The following SLC24A3 variants were observed in gnomAD, a reference collection of about 807,000 sequenced individuals.
The protein encoded by SLC24A3 is solute carrier family 24 member 3.
Under a neutral mutation model 75.8 loss-of-function variants are expected in SLC24A3, and 28 were observed. That is an observed-to-expected ratio of 0.37 (90% CI 0.27 to 0.51). SLC24A3 has a LOEUF of 0.51. Ranked by LOEUF, SLC24A3 falls within the 20% of genes least tolerant of loss-of-function variation. SLC24A3 has a pLI of 0.94. For synonymous variants in SLC24A3, 372 were observed against 334.1 expected, an observed-to-expected ratio of 1.11 and a Z score of -1.24; for missense variants, 663 against 847.8, an observed-to-expected ratio of 0.78 and a Z score of 2.71.
intron 2 of SLC24A3, 146 bp downstream of exon 2, chr20:19,281,233 T>C (rs1288711938): frequency 7.5e-6 from 9 of 1,199,878 alleles, no homozygotes; most frequent in East Asian, 2.5e-5. Context: ...AACTTTCAGG[T>C]GACATCCTGA....
At chr20:19,617,255 C>G (rs999110245) in intron 6 of SLC24A3, among the ~76,000 whole-genome samples, 1 of 152,244 alleles carries the variant, frequency 6.6e-6, no homozygotes, top group South Asian at 2.1e-4. Context: ...TGGAGCCTGC[C>G]TGGTGGCCTG....
intron 15 of SLC24A3, among the ~76,000 whole-genome samples, chr20:19,710,724 C>T (rs997667983): frequency 2.6e-5 from 4 of 152,098 alleles, no homozygotes; most frequent in Non-Finnish European, 2.9e-5. Context: ...GCTTAGCATG[C>T]CTCAAGAAAG....
At chr20:19,408,521 C>G (rs1334951918) in intron 2 of SLC24A3, among the ~76,000 whole-genome samples, 1 of 152,026 alleles carries the variant, frequency 6.6e-6, no homozygotes, top group Non-Finnish European at 1.5e-5. Flanking sequence ...TCCCAAATAG[C>G]TGGGACTACT....
At chr20:19,488,413 T>C (rs550530398) in intron 2 of SLC24A3, among the ~76,000 whole-genome samples, 1 of 152,326 alleles carries the variant, frequency 6.6e-6, no homozygotes, top group Admixed American at 6.5e-5. Context: ...CAGTGCTTCA[T>C]TATAGAGCCT....
chr20:19,253,223 G>A (rs1463052691), intron 1 of SLC24A3, among the ~76,000 whole-genome samples: 1 of 152,180 alleles, frequency 6.6e-6, no homozygotes, highest in Non-Finnish European at 1.5e-5. Context: ...GATGTCCCAG[G>A]GCCCTGGCAC....
At chr20:19,471,475 T>G (rs1470522442) in intron 2 of SLC24A3, among the ~76,000 whole-genome samples, 1 of 152,218 alleles carries the variant, frequency 6.6e-6, no homozygotes, top group African/African-American at 2.4e-5. Flanking sequence ...TGTTTCTAGA[T>G]GTTGAATGCA....
At chr20:19,253,753 G>C (rs905703995) in intron 1 of SLC24A3, among the ~76,000 whole-genome samples, 2 of 152,214 alleles carry the variant, frequency 1.3e-5, no homozygotes, top group African/African-American at 4.8e-5. Flanking sequence ...GCATGGAATG[G>C]TCCTGTCCTT....
At chr20:19,634,568 A>G (rs956247743) in intron 6 of SLC24A3, among the ~76,000 whole-genome samples, 6 of 148,860 alleles carry the variant, frequency 4.0e-5, no homozygotes, top group African/African-American at 1.5e-4. Context: ...ATAGTGCTCA[A>G]CAATAAAAAA....
chr20:19,251,268 T>TC, intron 1 of SLC24A3, among the ~76,000 whole-genome samples: 1 of 152,338 alleles, frequency 6.6e-6, no homozygotes, highest in Admixed American at 6.5e-5. Context: ...TGCCCCTCCC[T>TC]CATACTGGCA....
At chr20:19,281,954 C>G (rs751831512) in intron 2 of SLC24A3, among the ~76,000 whole-genome samples, 34 of 152,160 alleles carry the variant, frequency 2.2e-4, no homozygotes, top group African/African-American at 8.2e-4. Context: ...ACTTGGACCT[C>G]GAAGCTCTCT....
chr20:19,364,827 TCA>T (rs1985858377), intron 2 of SLC24A3, among the ~76,000 whole-genome samples: 1 of 152,056 alleles, frequency 6.6e-6, no homozygotes, highest in Non-Finnish European at 1.5e-5. Flanking sequence ...CACCCAGACC[TCA>T]GGTTTTCTCT....
chr20:19,549,898 G>T (rs1435214034), intron 3 of SLC24A3, among the ~76,000 whole-genome samples: 1 of 152,128 alleles, frequency 6.6e-6, no homozygotes, highest in African/African-American at 2.4e-5. Context: ...TATGATGCAG[G>T]TCATCAAAAT....
intron 6 of SLC24A3, among the ~76,000 whole-genome samples, chr20:19,627,963 T>G (rs2122683264): frequency 6.6e-6 from 1 of 152,036 alleles, no homozygotes; most frequent in South Asian, 2.1e-4. Flanking sequence ...TTTGGGAGGC[T>G]GAGGCGGGCA....
At chr20:19,350,919 T>G (rs956295148) in intron 2 of SLC24A3, among the ~76,000 whole-genome samples, 1 of 151,808 alleles carries the variant, frequency 6.6e-6, no homozygotes, top group Non-Finnish European at 1.5e-5. Flanking sequence ...CAGGCCCCAG[T>G]GGCAGTTTAA....
rs1032328093 is a variant in SLC24A3, at chr20:19,345,939, A to G, written c.271+64852A>G. On this transcript the variant is annotated intron_variant, in intron 2 of 16. Transcript: ENST00000328041. ...TGATCCAGCAATCCCACTACTAGGT[A>G]TCTACCCAGAGGAAGTCATTATACA... Among the ~76,000 whole-genome samples, 4 of 151,506 alleles carry G rather than the reference A, an allele frequency of 2.6e-5. 1 individual carries two copies.
chr20:19,425,132 G>A (rs1452094812), intron 2 of SLC24A3, among the ~76,000 whole-genome samples: 22 of 152,036 alleles, frequency 1.4e-4, no homozygotes, highest in African/African-American at 3.6e-4. Flanking sequence ...GTAAAACCCC[G>A]TCTCTACTAA....
chr20:19,408,390 C>CTTT (rs1219522685), intron 2 of SLC24A3, among the ~76,000 whole-genome samples: 1 of 137,064 alleles, frequency 7.3e-6, no homozygotes, highest in Admixed American at 7.3e-5. Flanking sequence ...ATTAAAAATA[C>CTTT]TTTTTTTTTT....
At chr20:19,717,616 G>C (rs200040941) in intron 16 of SLC24A3, 23 bp downstream of exon 16, 4 of 1,613,798 alleles carry the variant, frequency 2.5e-6, no homozygotes, top group East Asian at 4.5e-5. Flanking sequence ...CTCTCTCCTC[G>C]TACTTGTGTT....
intron 2 of SLC24A3, among the ~76,000 whole-genome samples, chr20:19,435,736 T>C (rs1178742267): frequency 1.3e-5 from 2 of 152,216 alleles, no homozygotes; most frequent in Admixed American, 1.3e-4. Context: ...GAGTCTGTGA[T>C]AGCTTTCCTT....
Sources: gnomAD v4.1 joint callset for allele counts (sites outside exome capture counted in the v4.1 genomes callset) on GRCh38, gnomAD v4.1.1 for gene constraint, MANE v1.5 for transcripts, NCBI Gene and HGNC (gene_info 2026-07-23, HGNC 2026-07-21) for gene names.